The following CASD1 variants were observed in gnomAD, a reference collection of about 807,000 sequenced individuals.
CASD1 encodes the protein N-acetylneuraminate (7)9-O-acetyltransferase.
Under a neutral mutation model 100.0 loss-of-function variants are expected in CASD1, and 41 were observed. That is an observed-to-expected ratio of 0.41 (90% CI 0.32 to 0.53). The LOEUF (loss-of-function observed/expected upper bound fraction) is 0.53, where lower values mean the gene tolerates loss of function less well. CASD1 is among the 20% of genes least tolerant of loss of function. The probability of loss-of-function intolerance (pLI) is 0.25; values close to 1 mark genes in which losing one functional copy is unlikely to be tolerated. For missense variants in CASD1, 774 were observed against 948.7 expected (o/e 0.82, Z 2.42); for synonymous variants, 321 against 315.6 (o/e 1.02, Z -0.18).
rs1363877665 is a variant in CASD1 at position 94,555,825 on chromosome 7, A to G, written c.*67A>G. On this transcript the variant is annotated 3_prime_UTR_variant, in exon 18 of 18. Coordinates refer to ENST00000297273, the MANE Select transcript of CASD1 (RefSeq NM_022900.5). ...TTGTGTGTCTCTAGAAGAGAAAAGC[A>G]TCTATCTGGAGATATAAATGTGTAT... The G allele has an allele frequency of 2.8e-6, 4 of 1,450,786 alleles. No individual in the cohort carries two copies. The South Asian group carries it at 4.0e-5, about 14-fold the overall frequency. 89.9% of individuals were successfully genotyped at this position (1,450,786 alleles called of 1,614,324 possible).
chr7:94,566,991 C>G, the CASD1 span, among the ~76,000 whole-genome samples: 6 of 152,084 alleles, frequency 3.9e-5, no homozygotes, highest in Non-Finnish European at 8.8e-5. Flanking sequence ...GCAGTTTATA[C>G]TTGAATTTGT....
At chr7:94,524,354 A>G (rs1316793882) in intron 3 of CASD1, 1 of 152,124 alleles carries the variant, frequency 6.6e-6, no homozygotes, top group African/African-American at 2.4e-5. Context: ...ACTGCAAACT[A>G]ATGAAAAAGA....
At position 94,542,325 on chromosome 7, in the gene CASD1, C is replaced by T. The variant is rs1795445149; in HGVS notation, c.1357-2086C>T. On this transcript the variant is annotated intron_variant, in intron 10 of 17. Transcript: ENST00000297273. ...CACTGCATGTGGCTATTGAGCACTT[C>T]GTAGCTAGTCAGGATTCAGATGTGC... Among the ~76,000 whole-genome samples, 6 of 152,022 alleles carry T rather than the reference C, an allele frequency of 3.9e-5. No homozygotes were observed. The South Asian group carries it at 8.3e-4, about 21-fold the overall frequency.
At chr7:94,570,913 A>T in the CASD1 span, among the ~76,000 whole-genome samples, 2 of 152,136 alleles carry the variant, frequency 1.3e-5, no homozygotes, top group Non-Finnish European at 2.9e-5. Context: ...TTATTTCTTT[A>T]TATGGCTTTG....
intron 1 of CASD1, among the ~76,000 whole-genome samples, chr7:94,516,048 A>G (rs1584374363): frequency 2.0e-5 from 3 of 152,012 alleles, no homozygotes; most frequent in East Asian, 3.9e-4. Context: ...ATGTAGCCTA[A>G]TTTTGTTTTT....
intron 5 of CASD1, 27 bp downstream of exon 5, chr7:94,528,277 T>C: frequency 6.8e-7 from 1 of 1,477,644 alleles, no homozygotes; most frequent in Non-Finnish European, 9.2e-7. Flanking sequence ...CATAGGCTTT[T>C]TTTTTTTTTA....
chr7:94,538,271 A>G lies in CASD1; in HGVS notation c.1266+377A>G, dbSNP rs1254293640. On this transcript the variant is annotated intron_variant, in intron 9 of 17. Transcript: ENST00000297273. ...AAAAGAATATAATTAACAAATGCCT[A>G]TGCACACAAACATATTTTATATTTA... 8.5e-5 allele frequency among the ~76,000 whole-genome samples: 13 copies of G among 152,202 alleles called. 1 individual carries two copies. Among genetic ancestry groups the G allele is most frequent in the Admixed American group, 8.5e-4 (13 of 15,280 alleles).
At position 94,528,194 on chromosome 7, in the gene CASD1, C is replaced by T; in HGVS notation, c.403C>T (p.Leu135=). 2 of 1,605,018 alleles carry T rather than the reference C, an allele frequency of 1.2e-6. No homozygotes were observed. Among genetic ancestry groups the T allele is most frequent in the Admixed American group, 1.7e-5 (1 of 59,272 alleles). The change falls in exon 5 of 18, where the codon CTG becomes TTG. Residue 135 remains leucine (L), a synonymous_variant. Coordinates refer to ENST00000297273, the MANE Select transcript of CASD1 (RefSeq NM_022900.5). ...TCTAACATTTCTCTTTTAGGATTTT[C>T]TGTGGCATCCTGAAGTTAATGGTTC... ...DKTASVKVDF[L]WHPEVNGSMK... is the part of the protein sequence containing the mutation.
chr7:94,532,528 GTTACTCAGA>G (rs1794900670), intron 5 of CASD1, among the ~76,000 whole-genome samples: 1 of 152,030 alleles, frequency 6.6e-6, no homozygotes, highest in Non-Finnish European at 1.5e-5. Flanking sequence ...ACTTTATCAT[GTTACTCAGA>G]ATGGCACATA....
chr7:94,516,377 T>A (rs1232451897), intron 1 of CASD1, among the ~76,000 whole-genome samples: 2 of 152,154 alleles, frequency 1.3e-5, no homozygotes, highest in East Asian at 3.9e-4. Context: ...GGCTAGATAA[T>A]GAGTAACTAG....
the CASD1 span, chr7:94,616,729 C>G: frequency 5.3e-5 from 8 of 151,920 alleles, no homozygotes; most frequent in Non-Finnish European, 7.4e-5. Flanking sequence ...AGAAAACATG[C>G]AAAATCATTT....
chr7:94,598,479 A>T, the CASD1 span: 1 of 337,974 alleles, frequency 3.0e-6, no homozygotes, highest in Non-Finnish European at 5.5e-6. Context: ...TTTTTTTTAT[A>T]ATTAACTCAT....
intron 3 of CASD1, among the ~76,000 whole-genome samples, chr7:94,519,819 T>C (rs559941093): frequency 2.0e-5 from 3 of 152,338 alleles, no homozygotes; most frequent in African/African-American, 7.2e-5. Context: ...TAGTAAACTT[T>C]TAAAAAGTAG....
intron 4 of CASD1, among the ~76,000 whole-genome samples, chr7:94,527,738 TGCAAAGTCCTAGA>T (rs1172003203): frequency 6.6e-6 from 1 of 152,130 alleles, no homozygotes; most frequent in Non-Finnish European, 1.5e-5. Flanking sequence ...GAATAGTATG[TGCAAAGTCCTAGA>T]GAAAAAGGAG....
chr7:94,611,644 T>C, the CASD1 span, among the ~76,000 whole-genome samples: 1 of 152,220 alleles, frequency 6.6e-6, no homozygotes, highest in African/African-American at 2.4e-5. Context: ...GTGCATTGTA[T>C]GATATGTGAA....
At chr7:94,617,681 T>G in the CASD1 span, 1 of 152,244 alleles carries the variant, frequency 6.6e-6, no homozygotes, top group South Asian at 2.1e-4. Context: ...AGGACTTCTA[T>G]GTATGCTTGA....
the CASD1 span, among the ~76,000 whole-genome samples, chr7:94,633,076 G>A: frequency 2.0e-5 from 3 of 152,008 alleles, no homozygotes; most frequent in African/African-American, 7.2e-5. Flanking sequence ...TGTGTACAGT[G>A]CCATGCTAAT....
At chr7:94,550,712 A>C (rs906638790) in intron 14 of CASD1, among the ~76,000 whole-genome samples, 3 of 151,994 alleles carry the variant, frequency 2.0e-5, no homozygotes, top group Non-Finnish European at 2.9e-5. Flanking sequence ...AATCCCATTC[A>C]TGAAGGCTCT....
intron 9 of CASD1, among the ~76,000 whole-genome samples, chr7:94,538,184 T>TTGAA (rs1408366213): frequency 5.9e-5 from 9 of 152,314 alleles, no homozygotes; most frequent in African/African-American, 1.7e-4. Flanking sequence ...ACAGAGAATG[T>TTGAA]TGAAGTACTT....
Sources: allele counts gnomAD v4.1 joint callset (sites outside exome capture counted in the v4.1 genomes callset), GRCh38; gene constraint gnomAD v4.1.1; transcripts MANE v1.5; gene names NCBI Gene and HGNC (gene_info 2026-07-23, HGNC 2026-07-21).